PKD2: variants seen among roughly 807,000 people sequenced by gnomAD.
PKD2 encodes the protein polycystin-2.
In PKD2, 48 loss-of-function variants were observed where a neutral mutation model predicts 105.9. The ratio of observed to expected loss-of-function variants is 0.45; its 90% CI spans 0.36 to 0.58. PKD2 has a LOEUF of 0.58. PKD2 is among the 20% of genes least tolerant of loss of function. The pLI is 0.00. For synonymous variants in PKD2, 464 were observed against 481.1 expected, an observed-to-expected ratio of 0.96 and a Z score of 0.46; for missense variants, 1,078 against 1,255.3, an observed-to-expected ratio of 0.86 and a Z score of 2.13.
rs955272049 is a variant in PKD2 at position 88,077,000 on chromosome 4, A to G, written c.*1306A>G. The G allele has an allele frequency of 1.3e-5, 2 of 152,128 alleles. No individual in the cohort carries two copies. Among genetic ancestry groups the G allele is most frequent in the Admixed American group, 6.5e-5 (1 of 15,276 alleles). The allele number at this position is 152,128 out of a possible 1,614,324, so 9.4% of individuals were successfully genotyped here. ...TTAGCAACACTGTTTTCTTTACGAG[A>G]GGGTCTCACCCAAATTTATGGGGAG... On this transcript the variant is annotated 3_prime_UTR_variant, in exon 15 of 15. Transcript: ENST00000237596.
chr4:88,069,416 A>AT (rs1348695378), intron 13 of PKD2, among the ~76,000 whole-genome samples: 2 of 151,794 alleles, frequency 1.3e-5, no homozygotes, highest in African/African-American at 4.8e-5. Flanking sequence ...TAACATTTAA[A>AT]TTTTTTTAAT....
In PKD2 at chr4:88,043,298, G is replaced by A; in HGVS notation, c.1160G>A (p.Ser387Asn). 1 of 1,613,704 alleles carries A rather than the reference G, an allele frequency of 6.2e-7. No individual in the cohort carries two copies. The highest frequency in any genetic ancestry group is 8.5e-7 in the Non-Finnish European group (1 of 1,179,622). The change falls in exon 5 of 15, where the codon AGT becomes AAT. Residue 387 changes from serine to asparagine, a missense_variant. Physicochemically the swap from Ser to Asn is conservative, Grantham distance 46. Transcript: ENST00000237596. The stretch of plus-strand genomic sequence containing the variant: ...CACTGGGGAATCATTGCAACTTATA[G>A]TGGAGCTGGCTATTATCTGGATTTG... ...SSHWGIIATY[S>N]GAGYYLDLSR...
intron 13 of PKD2, among the ~76,000 whole-genome samples, chr4:88,069,345 CT>C (rs1375623651): frequency 6.6e-6 from 1 of 151,784 alleles, no homozygotes; most frequent in African/African-American, 2.4e-5. Flanking sequence ...TGTTTTCTAG[CT>C]TACTTTTTTT....
intron 2 of PKD2, among the ~76,000 whole-genome samples, chr4:88,034,740 T>C (rs1727274451): frequency 6.6e-6 from 1 of 151,766 alleles, no homozygotes; most frequent in African/African-American, 2.4e-5. Context: ...AAATAGTACT[T>C]AATCCCAAAA....
intron 7 of PKD2, among the ~76,000 whole-genome samples, chr4:88,054,645 C>G (rs1345762126): frequency 7.1e-6 from 1 of 141,148 alleles, no homozygotes; most frequent in Admixed American, 7.0e-5. Context: ...GGGATCATGA[C>G]TCTACTTTTT....
chr4:88,035,427 C>T (rs1727297585), intron 2 of PKD2, among the ~76,000 whole-genome samples: 1 of 152,142 alleles, frequency 6.6e-6, no homozygotes, highest in African/African-American at 2.4e-5. Flanking sequence ...GGACTATTTA[C>T]AGAGATGTGG....
intron 1 of PKD2, among the ~76,000 whole-genome samples, chr4:88,011,871 A>G (rs1054946315): frequency 3.0e-5 from 3 of 101,468 alleles, no homozygotes; most frequent in Non-Finnish European, 5.3e-5. Context: ...GCAGAGCTTT[A>G]TCCTAAATTA....
intron 8 of PKD2, 97 bp downstream of exon 8, chr4:88,056,364 T>A: frequency 1.4e-6 from 1 of 728,616 alleles, no homozygotes; most frequent in Non-Finnish European, 2.3e-6. Flanking sequence ...GACCACCAAT[T>A]ATTTAAAACC....
chr4:88,060,699 A>T (rs1720541253), intron 9 of PKD2, among the ~76,000 whole-genome samples: 1 of 152,186 alleles, frequency 6.6e-6, no homozygotes, highest in Admixed American at 6.5e-5. Context: ...GATCTCCTGG[A>T]TACAGTGCTT....
intron 2 of PKD2, among the ~76,000 whole-genome samples, chr4:88,031,562 T>G (rs960671162): frequency 6.6e-6 from 1 of 152,230 alleles, no homozygotes; most frequent in Non-Finnish European, 1.5e-5. Flanking sequence ...CTAGTACAGT[T>G]ATATTTTTAT....
At chr4:88,013,809 A>C (rs376754253) in intron 1 of PKD2, among the ~76,000 whole-genome samples, 13 of 152,064 alleles carry the variant, frequency 8.5e-5, no homozygotes, top group African/African-American at 2.7e-4. Context: ...TGAGAGGGGA[A>C]TACAAGGAGG....
intron 1 of PKD2, 33 bp from the exon 2 acceptor site, chr4:88,019,425 A>T: frequency 9.3e-7 from 1 of 1,073,526 alleles, no homozygotes. Flanking sequence ...AAATAAAATG[A>T]TATCTTTTCT....
chr4:88,039,587 C>T (rs901031717), intron 4 of PKD2, among the ~76,000 whole-genome samples: 2 of 151,108 alleles, frequency 1.3e-5, no homozygotes, highest in African/African-American at 4.9e-5. Flanking sequence ...ATTGCTTGAG[C>T]CCGAGTGGTG....
intron 7 of PKD2, 136 bp from the exon 8 acceptor site, chr4:88,055,950 A>G (rs1013640729): frequency 3.1e-5 from 22 of 701,512 alleles, no homozygotes; most frequent in African/African-American, 2.5e-4. Context: ...TTCACTTTGC[A>G]TGATGTTTTC....
In PKD2 at chr4:88,008,153, G is replaced by A. The variant is rs2728118; in HGVS notation, c.420G>A (p.Gly140=). 149,330 of 1,462,896 alleles carry A rather than the reference G, an allele frequency of 0.1. 9,301 individuals carry two copies. The highest frequency in any genetic ancestry group is 0.3 in the East Asian group (10,141 of 33,960). The allele number at this position is 1,462,896 out of a possible 1,614,324, so 90.6% of individuals were successfully genotyped here. ...GCTCCGTGGGCGCGCGGAGCCGGGG[G>A]CTTGGGGGCTACCACGGCGCGGGCC... The part of the protein sequence containing the change: ...AVSSVGARSR[G]LGGYHGAGHP... The change falls in exon 1 of 15, where the codon GGG becomes GGA. Residue 140 remains glycine (G), a synonymous_variant. Coordinates refer to ENST00000237596, the MANE Select transcript of PKD2 (RefSeq NM_000297.4).
At chr4:88,008,922 T>A (rs1726296073) in intron 1 of PKD2, among the ~76,000 whole-genome samples, 1 of 152,182 alleles carries the variant, frequency 6.6e-6, no homozygotes, top group African/African-American at 2.4e-5. Flanking sequence ...ACAAATAGAA[T>A]AAAATAATAT....
intron 7 of PKD2, among the ~76,000 whole-genome samples, chr4:88,052,595 A>G (rs776693264): frequency 1.3e-5 from 2 of 152,168 alleles, no homozygotes; most frequent in African/African-American, 4.8e-5. Context: ...AAAGTAAACT[A>G]TTGAGACTCA....
At chr4:88,033,527 G>A (rs1727233119) in intron 2 of PKD2, among the ~76,000 whole-genome samples, 1 of 151,976 alleles carries the variant, frequency 6.6e-6, no homozygotes, top group South Asian at 2.1e-4. Flanking sequence ...AAGGGAATCT[G>A]TTGCTTGCCC....
chr4:88,008,022 G>C lies in PKD2; in HGVS notation c.289G>C (p.Glu97Gln), dbSNP rs1578111365. Residue 97 changes from glutamate to glutamine, a missense_variant, in exon 1 of 15, where the codon GAG (glutamate) becomes CAG (glutamine). Glu to Gln is a conservative substitution (Grantham distance 29). Coordinates refer to ENST00000237596, the MANE Select transcript of PKD2 (RefSeq NM_000297.4). ...CCGCGATAACCCCGGCTTCGAGGCC[G>C]AGGAGGAGGAGGAGGAGGTGGAAGG... Reference protein sequence around the residue: ...WSRDNPGFEAEEEEEEVEGEE... With the variant: ...WSRDNPGFEAQEEEEEVEGEE... 8.2e-7 allele frequency: 1 copy of C among 1,217,084 alleles called. No individual in the cohort carries two copies. The highest frequency in any genetic ancestry group is 1.1e-6 in the Non-Finnish European group (1 of 926,530). 75.4% of individuals were successfully genotyped at this position (1,217,084 alleles called of 1,614,324 possible).
Sources: allele counts gnomAD v4.1 joint callset (sites outside exome capture counted in the v4.1 genomes callset), GRCh38; gene constraint gnomAD v4.1.1; transcripts MANE v1.5; gene names NCBI Gene and HGNC (gene_info 2026-07-23, HGNC 2026-07-21).